RPH3A: variants seen among roughly 807,000 people sequenced by gnomAD.
RPH3A encodes rabphilin-3A.
Under a neutral mutation model 102.2 loss-of-function variants are expected in RPH3A, and 48 were observed. The ratio of observed to expected loss-of-function variants is 0.47; its 90% CI spans 0.37 to 0.60. The LOEUF (loss-of-function observed/expected upper bound fraction) is 0.60, where lower values mean the gene tolerates loss of function less well. RPH3A is among the 20% of genes least tolerant of loss of function. RPH3A has a pLI of 0.00. For missense variants in RPH3A, 781 were observed against 910.1 expected (o/e 0.86, Z 1.83); for synonymous variants, 310 against 324.3 (o/e 0.96, Z 0.47).
intron 10 of RPH3A, among the ~76,000 whole-genome samples, chr12:112,870,310 CAAAAAAAAA>C (rs377457634): frequency 9.5e-6 from 1 of 105,606 alleles, no homozygotes; most frequent in African/African-American, 3.5e-5. Context: ...CTCCCCGCCT[CAAAAAAAAA>C]AAAAAAAAAA....
At chr12:112,739,609 T>G (rs1449818259) in intron 1 of RPH3A, among the ~76,000 whole-genome samples, 1 of 152,222 alleles carries the variant, frequency 6.6e-6, no homozygotes, top group Non-Finnish European at 1.5e-5. Context: ...TGTGGTTTAT[T>G]TGCTTTTGGA....
At chr12:112,599,749 C>A (rs233718) in intron 1 of RPH3A, among the ~76,000 whole-genome samples, 3 of 152,006 alleles carry the variant, frequency 2.0e-5, no homozygotes, top group South Asian at 2.1e-4. Context: ...ATCCCACCAC[C>A]CTTCCCATCT....
intron 1 of RPH3A, among the ~76,000 whole-genome samples, chr12:112,744,730 G>C (rs74888306): frequency 6.6e-6 from 1 of 151,960 alleles, no homozygotes; most frequent in Non-Finnish European, 1.5e-5. Context: ...TGACAAGGTC[G>C]CACAGTCAGG....
intron 1 of RPH3A, among the ~76,000 whole-genome samples, chr12:112,619,832 G>A (rs1047428243): frequency 6.6e-6 from 1 of 151,944 alleles, no homozygotes; most frequent in South Asian, 2.1e-4. Flanking sequence ...CTTTTTAGTG[G>A]CATAATAATA....
chr12:112,646,566 G>A (rs1161351375), intron 1 of RPH3A, among the ~76,000 whole-genome samples: 2 of 152,146 alleles, frequency 1.3e-5, no homozygotes, highest in African/African-American at 4.8e-5. Flanking sequence ...ACCTCTCATG[G>A]CCAGTACATC....
chr12:112,639,178 A>T (rs1384696222), intron 1 of RPH3A, among the ~76,000 whole-genome samples: 1 of 152,184 alleles, frequency 6.6e-6, no homozygotes, highest in Non-Finnish European at 1.5e-5. Context: ...AGAGCAGGCA[A>T]GGGACTGGTA....
intron 1 of RPH3A, among the ~76,000 whole-genome samples, chr12:112,594,887 C>T (rs1203811291): frequency 1.3e-5 from 2 of 152,180 alleles, no homozygotes; most frequent in Admixed American, 6.5e-5. Context: ...GCATTGTGTT[C>T]GATGCATGCA....
chr12:112,895,851 C>A lies in RPH3A; in HGVS notation c.1932C>A (p.Ile644=). 1.2e-6 allele frequency: 2 copies of A among 1,612,836 alleles called. No individual in the cohort carries two copies. Among genetic ancestry groups the A allele is most frequent in the Non-Finnish European group, 1.7e-6 (2 of 1,178,984 alleles). Residue 644 remains isoleucine, a synonymous_variant, in exon 21 of 22, where the codon ATC becomes ATA. Coordinates refer to ENST00000389385, the MANE Select transcript of RPH3A (RefSeq NM_001143854.2). ...SLDISVWDYD[I]GKSNDYIGGC... ...ACATTTCAGTCTGGGACTATGACATCGGCAAGTCCAATGATTACATCGGTG... is the reference window on the plus strand; with the variant it reads ...ACATTTCAGTCTGGGACTATGACATAGGCAAGTCCAATGATTACATCGGTG...
intron 1 of RPH3A, among the ~76,000 whole-genome samples, chr12:112,619,471 T>C (rs574809923): frequency 5.9e-5 from 9 of 152,138 alleles, no homozygotes; most frequent in East Asian, 5.8e-4. Flanking sequence ...TTAGTAGAGA[T>C]GGGGTTTCAC....
chr12:112,701,674 G>A (rs1461509638), intron 1 of RPH3A, among the ~76,000 whole-genome samples: 39 of 152,174 alleles, frequency 2.6e-4, no homozygotes, highest in Non-Finnish European at 1.5e-5. Context: ...AGCTCAATGA[G>A]TTCTAATGTC....
At chr12:112,891,535 G>A (rs552998211) in intron 19 of RPH3A, among the ~76,000 whole-genome samples, 1 of 152,350 alleles carries the variant, frequency 6.6e-6, no homozygotes, top group East Asian at 1.9e-4. Context: ...GGGTTTATCA[G>A]GGGAAATGCC....
chr12:112,597,688 T>C (rs958739288), intron 1 of RPH3A, among the ~76,000 whole-genome samples: 3 of 152,112 alleles, frequency 2.0e-5, no homozygotes, highest in African/African-American at 7.2e-5. Context: ...GCCCAGAAAC[T>C]TCCACTTGTG....
intron 1 of RPH3A, among the ~76,000 whole-genome samples, chr12:112,582,652 G>A (rs1274318094): frequency 1.4e-5 from 2 of 144,052 alleles, no homozygotes; most frequent in Admixed American, 6.9e-5. Context: ...TGTAGAGATG[G>A]GGTTTCACTA....
At chr12:112,775,462 TAG>T (rs886365774) in intron 1 of RPH3A, among the ~76,000 whole-genome samples, 3 of 152,206 alleles carry the variant, frequency 2.0e-5, no homozygotes, top group Admixed American at 2.0e-4. Context: ...TGTATGTCAG[TAG>T]AGAGAGATTA....
rs144617868 is a variant in RPH3A at position 112,881,834 on chromosome 12, G to A, written c.1314G>A (p.Pro438=). 9.1e-5 allele frequency: 146 copies of A among 1,611,584 alleles called. No homozygotes were observed. In the African/African-American group the frequency reaches 9.9e-4, roughly 11 times the overall value. The change falls in exon 15 of 22, where the codon CCG becomes CCA. Residue 438 remains proline (P), a synonymous_variant. Transcript: ENST00000389385. The part of the protein sequence containing the change: ...ADPYVKLHLL[P]GASKSNKLRT... Reference sequence around the variant, plus strand: ...CCTACGTTAAGCTGCACCTCCTGCCGGGAGCCAGCAAGGTACCATATGGCC... The same window carrying A: ...CCTACGTTAAGCTGCACCTCCTGCCAGGAGCCAGCAAGGTACCATATGGCC...
rs2043196738 is a variant in RPH3A at position 112,897,260 on chromosome 12, A to G, written c.*480A>G. 1 of 160,214 alleles carries G rather than the reference A, an allele frequency of 6.2e-6. No homozygotes were observed. The highest frequency in any genetic ancestry group is 1.4e-5 in the Non-Finnish European group (1 of 72,422). 9.9% of individuals were successfully genotyped at this position (160,214 alleles called of 1,614,324 possible). On this transcript the variant is annotated 3_prime_UTR_variant, in exon 22 of 22. Transcript: ENST00000389385. ...GCTGTGAGAGAAGCATTGGGGCACA[A>G]ATAGAGCCTCCGGGCTCCCACTGCC...
rs981995156 is a variant in RPH3A at position 112,874,924 on chromosome 12, A to G, written c.797-160A>G. On this transcript the variant is annotated intron_variant, in intron 10 of 21. Coordinates refer to ENST00000389385, the MANE Select transcript of RPH3A (RefSeq NM_001143854.2). Reference sequence around the variant, plus strand: ...TCTGAGTATTGAGAAGAAAGAACACACTGAAGGCAGAAGAGTCAGAAAGAG... The same window carrying G: ...TCTGAGTATTGAGAAGAAAGAACACGCTGAAGGCAGAAGAGTCAGAAAGAG... 6.7e-6 allele frequency: 4 copies of G among 593,144 alleles called. No individual in the cohort carries two copies. The African/African-American group carries it at 7.5e-5, about 11-fold the overall frequency. The allele number at this position is 593,144 out of a possible 1,614,324, so 36.7% of individuals were successfully genotyped here.
At chr12:112,612,150 C>A (rs1007318205) in intron 1 of RPH3A, among the ~76,000 whole-genome samples, 1 of 152,186 alleles carries the variant, frequency 6.6e-6, no homozygotes, top group South Asian at 2.1e-4. Flanking sequence ...AACTCAGCCC[C>A]GCCTGTCAAA....
At chr12:112,672,257 C>A (rs1490720923) in intron 1 of RPH3A, among the ~76,000 whole-genome samples, 2 of 152,090 alleles carry the variant, frequency 1.3e-5, no homozygotes, top group Non-Finnish European at 2.9e-5. Flanking sequence ...TTTGGGGGAC[C>A]TCCATCTTCG....
Sources: allele counts gnomAD v4.1 joint callset (sites outside exome capture counted in the v4.1 genomes callset), GRCh38; gene constraint gnomAD v4.1.1; transcripts MANE v1.5; gene names NCBI Gene and HGNC (gene_info 2026-07-23, HGNC 2026-07-21).